The following PIP4K2A variants were observed in gnomAD, a reference collection of about 807,000 sequenced individuals.
PIP4K2A encodes phosphatidylinositol-5-phosphate 4-kinase type 2 alpha.
A neutral mutation model predicts 42.9 loss-of-function variants in PIP4K2A; 14 were observed. The ratio of observed to expected loss-of-function variants is 0.33; its 90% confidence interval spans 0.22 to 0.51. The LOEUF (loss-of-function observed/expected upper bound fraction) is 0.51, where lower values mean the gene tolerates loss of function less well. Among genes scored for constraint, PIP4K2A ranks in the 20% least tolerant of loss-of-function variants. The probability of loss-of-function intolerance (pLI) is 0.97; values close to 1 mark genes in which losing one functional copy is unlikely to be tolerated. For missense variants in PIP4K2A, 434 were observed against 519.8 expected (o/e 0.83, Z 1.61); for synonymous variants, 192 against 192.2 (o/e 1.00, Z 0.01).
At chr10:22,698,646 C>T (rs1346638345) in intron 1 of PIP4K2A, among the ~76,000 whole-genome samples, 1 of 152,148 alleles carries the variant, frequency 6.6e-6, no homozygotes, top group Non-Finnish European at 1.5e-5. Context: ...ACCACAATTA[C>T]TTTTGCACCA....
At chr10:22,615,247 A>AG (rs1324172075) in intron 1 of PIP4K2A, among the ~76,000 whole-genome samples, 2 of 152,152 alleles carry the variant, frequency 1.3e-5, no homozygotes, top group African/African-American at 4.8e-5. Context: ...CTGGGACTAC[A>AG]GGCGCACACC....
chr10:22,659,396 C>T (rs572047581), intron 1 of PIP4K2A, among the ~76,000 whole-genome samples: 4 of 152,124 alleles, frequency 2.6e-5, no homozygotes, highest in East Asian at 3.9e-4. Flanking sequence ...AGTTTGAGAC[C>T]GGCCTAGCCA....
chr10:22,610,782 A>C (rs1838016517), intron 1 of PIP4K2A, among the ~76,000 whole-genome samples: 1 of 152,206 alleles, frequency 6.6e-6, no homozygotes, highest in Admixed American at 6.5e-5. Context: ...AAAGGCTTCA[A>C]CGTTAACCTG....
At position 22,634,218 on chromosome 10, in the gene PIP4K2A, C is replaced by T. The variant is rs192801215; in HGVS notation, c.145-24501G>A. ...GACCAAAGAGCCCAGCCAAAGAGGA[C>T]GGGACAGAACAGAAGTGGCCTTGCC... On this transcript the variant is annotated intron_variant, in intron 1 of 9. Coordinates refer to ENST00000376573, the MANE Select transcript of PIP4K2A (RefSeq NM_005028.5). 1.6e-3 allele frequency among the ~76,000 whole-genome samples: 238 copies of T among 152,300 alleles called. 1 individual carries two copies. The highest frequency in any genetic ancestry group is 5.5e-3 in the African/African-American group (230 of 41,554).
chr10:22,707,686 T>C (rs1429250289), intron 1 of PIP4K2A, among the ~76,000 whole-genome samples: 1 of 152,198 alleles, frequency 6.6e-6, no homozygotes, highest in Non-Finnish European at 1.5e-5. Flanking sequence ...TACTAGGCAC[T>C]GTGACCCAGG....
intron 1 of PIP4K2A, among the ~76,000 whole-genome samples, chr10:22,624,909 T>C (rs570957415): frequency 5.9e-5 from 9 of 152,344 alleles, no homozygotes; most frequent in East Asian, 1.9e-4. Context: ...AACTTGGAAA[T>C]AGAATATTCT....
intron 1 of PIP4K2A, among the ~76,000 whole-genome samples, chr10:22,683,080 C>T (rs374350389): frequency 1.1e-5 from 1 of 88,248 alleles, no homozygotes; most frequent in Admixed American, 9.7e-5. Context: ...ACAACAACAA[C>T]AACAACAAAA....
At chr10:22,577,563 A>G (rs1588637910) in intron 4 of PIP4K2A, among the ~76,000 whole-genome samples, 1 of 152,238 alleles carries the variant, frequency 6.6e-6, no homozygotes, top group African/African-American at 2.4e-5. Flanking sequence ...CTTCTTGTAC[A>G]GTCTGCAGAA....
chr10:22,608,322 G>C (rs536639984), intron 2 of PIP4K2A, among the ~76,000 whole-genome samples: 34 of 152,304 alleles, frequency 2.2e-4, no homozygotes, highest in African/African-American at 8.2e-4. Flanking sequence ...GAACGGGCCA[G>C]GCAGGGGGAG....
intron 6 of PIP4K2A, among the ~76,000 whole-genome samples, chr10:22,558,803 T>C (rs1483939970): frequency 6.6e-6 from 1 of 152,230 alleles, no homozygotes; most frequent in Non-Finnish European, 1.5e-5. Flanking sequence ...TCAACATACT[T>C]GTGAAACAGT....
chr10:22,567,518 A>T (rs1836873200), intron 6 of PIP4K2A: 1 of 530,262 alleles, frequency 1.9e-6, no homozygotes, highest in Admixed American at 2.4e-5. Context: ...TGGTTCCCTG[A>T]CCCGCAGGAA....
chr10:22,593,177 A>G (rs1185833857), intron 3 of PIP4K2A, among the ~76,000 whole-genome samples: 1 of 152,196 alleles, frequency 6.6e-6, no homozygotes, highest in Non-Finnish European at 1.5e-5. Flanking sequence ...GCAAATCTTC[A>G]TCTTCCAGGA....
intron 1 of PIP4K2A, 117 bp downstream of exon 1, chr10:22,714,066 G>A (rs1588722623): frequency 9.3e-7 from 1 of 1,077,936 alleles, no homozygotes; most frequent in African/African-American, 1.6e-5. Context: ...CGAGCAGCCG[G>A]AGGTCCAGGG....
intron 4 of PIP4K2A, among the ~76,000 whole-genome samples, chr10:22,584,965 G>A (rs1050092004): frequency 1.3e-5 from 2 of 152,108 alleles, no homozygotes; most frequent in African/African-American, 4.8e-5. Flanking sequence ...CTCACCGGGG[G>A]CACATGAGCA....
intron 2 of PIP4K2A, 46 bp from the exon 3 acceptor site, chr10:22,608,069 G>T: frequency 2.4e-6 from 3 of 1,250,424 alleles, no homozygotes; most frequent in Non-Finnish European, 3.5e-6. Context: ...GAGTCAATCA[G>T]ACTTGCATCT....
intron 1 of PIP4K2A, among the ~76,000 whole-genome samples, chr10:22,664,171 A>ACACG (rs1564460224): frequency 2.5e-4 from 15 of 60,192 alleles, no homozygotes; most frequent in African/African-American, 2.0e-3. Context: ...ATATATACAT[A>ACACG]TATATATATA....
intron 1 of PIP4K2A, among the ~76,000 whole-genome samples, chr10:22,648,413 G>A (rs1838928352): frequency 6.6e-6 from 1 of 152,202 alleles, no homozygotes; most frequent in African/African-American, 2.4e-5. Flanking sequence ...AAAGTAATCT[G>A]AAGAATATTT....
Position 22,569,096 on chromosome 10 carries a change from G to A in PIP4K2A, c.640-1207C>T, listed in dbSNP as rs573743404. ...ATTTTTGATTACTGGCTTTCATCGAGCAGCTCAGGCATTGACTAGGATTGA... is the reference window on the plus strand; with the variant it reads ...ATTTTTGATTACTGGCTTTCATCGAACAGCTCAGGCATTGACTAGGATTGA... On this transcript the variant is annotated intron_variant, in intron 5 of 9. Transcript: ENST00000376573. 18 of 1,410,388 alleles carry A rather than the reference G, an allele frequency of 1.3e-5. No individual in the cohort carries two copies. In the East Asian group the frequency reaches 2.7e-4, roughly 21 times the overall value. The allele number at this position is 1,410,388 out of a possible 1,614,324, so 87.4% of individuals were successfully genotyped here.
chr10:22,620,125 AC>A (rs1183640194), intron 1 of PIP4K2A, among the ~76,000 whole-genome samples: 2 of 152,220 alleles, frequency 1.3e-5, no homozygotes, highest in Admixed American at 1.3e-4. Flanking sequence ...TAACATAGAC[AC>A]AAACTCTCCC....
Sources: allele counts gnomAD v4.1 joint callset (sites outside exome capture counted in the v4.1 genomes callset), GRCh38; gene constraint gnomAD v4.1.1; transcripts MANE v1.5; gene names NCBI Gene and HGNC (gene_info 2026-07-23, HGNC 2026-07-21).